Variants in BLTP2 observed in about 807,000 individuals in gnomAD.
BLTP2 encodes U937-associated antigen.
chr17:28,642,968 T>C, the BLTP2 span: 1 of 1,599,864 alleles, frequency 6.3e-7, no homozygotes, highest in Non-Finnish European at 8.6e-7. Flanking sequence ...GTTTATAGCA[T>C]CTACATGAAT....
the BLTP2 span, chr17:28,640,539 C>G: frequency 1.1e-4 from 182 of 1,613,142 alleles, 1 homozygote; most frequent in East Asian, 3.7e-3. Flanking sequence ...CTCCCATCTT[C>G]TGTGTCAGGA....
chr17:28,642,875 C>G, the BLTP2 span: 1 of 1,575,720 alleles, frequency 6.3e-7, no homozygotes, highest in African/African-American at 1.3e-5. Flanking sequence ...TTACCTTTTC[C>G]CATCACTATC....
At chr17:28,640,942 A>C in the BLTP2 span, among the ~76,000 whole-genome samples, 1 of 152,256 alleles carries the variant, frequency 6.6e-6, no homozygotes, top group East Asian at 1.9e-4. Flanking sequence ...AATAATTTAA[A>C]CATCATTTTT....
the BLTP2 span, among the ~76,000 whole-genome samples, chr17:28,641,434 G>A: frequency 4.7e-4 from 71 of 152,078 alleles, no homozygotes; most frequent in Non-Finnish European, 8.7e-4. Context: ...GAGGTCAGGA[G>A]ATCGAGACCA....
chr17:28,620,766 T>C, the BLTP2 span: 1 of 1,051,318 alleles, frequency 9.5e-7, no homozygotes, highest in African/African-American at 1.6e-5. Flanking sequence ...GGCAGAAACA[T>C]GTTTACTTCA....
the BLTP2 span, chr17:28,636,873 G>C: frequency 9.2e-7 from 1 of 1,082,790 alleles, no homozygotes; most frequent in Non-Finnish European, 1.4e-6. Context: ...CTCTGTTTTG[G>C]GAAAAGACAA....
chr17:28,630,307 C>A, the BLTP2 span, among the ~76,000 whole-genome samples: 4 of 151,974 alleles, frequency 2.6e-5, no homozygotes, highest in Non-Finnish European at 4.4e-5. Flanking sequence ...CAGGCACATG[C>A]CACCACACCC....
chr17:28,644,179 A>G, the BLTP2 span: 1 of 1,613,212 alleles, frequency 6.2e-7, no homozygotes, highest in Non-Finnish European at 8.5e-7. Context: ...CAACCGGACC[A>G]CAAGCCACCT....
At chr17:28,618,924 C>T in the BLTP2 span, 6 of 1,614,106 alleles carry the variant, frequency 3.7e-6, no homozygotes, top group East Asian at 4.5e-5. Context: ...TTGCTGCTTT[C>T]GCAGCTCCAT....
chr17:28,615,631 T>C, the BLTP2 span: 6 of 1,602,200 alleles, frequency 3.7e-6, no homozygotes, highest in Non-Finnish European at 2.6e-6. Flanking sequence ...GCCAGCCCCA[T>C]TAGCCAAACA....
the BLTP2 span, chr17:28,634,014 G>A: frequency 1.9e-6 from 3 of 1,614,142 alleles, no homozygotes; most frequent in South Asian, 1.1e-5. Flanking sequence ...ACTCTGCTCG[G>A]TGCCCACAAG....
At chr17:28,637,138 T>G in the BLTP2 span, 1 of 1,614,190 alleles carries the variant, frequency 6.2e-7, no homozygotes, top group Non-Finnish European at 8.5e-7. Flanking sequence ...CTGCCCAGGA[T>G]AGTTAGGGTG....
the BLTP2 span, chr17:28,628,218 C>G: frequency 6.5e-7 from 1 of 1,528,574 alleles, no homozygotes; most frequent in African/African-American, 1.4e-5. Context: ...AAGCCCATAT[C>G]CATGTTCTAA....
chr17:28,638,094 C>A, the BLTP2 span: 1 of 1,613,266 alleles, frequency 6.2e-7, no homozygotes, highest in Non-Finnish European at 8.5e-7. Context: ...TTATAGCTAC[C>A]CTAGAGAAGA....
the BLTP2 span, chr17:28,631,586 T>C: frequency 2.2e-5 from 36 of 1,614,036 alleles, no homozygotes; most frequent in Non-Finnish European, 2.8e-5. Flanking sequence ...TTCTCTTCAG[T>C]GGGTGAGGCC....
chr17:28,639,045 T>C, the BLTP2 span: 1 of 498,700 alleles, frequency 2.0e-6, no homozygotes, highest in Non-Finnish European at 3.6e-6. Flanking sequence ...GACAAAGACA[T>C]TCCTTATCAT....
the BLTP2 span, chr17:28,616,283 A>G: frequency 6.2e-7 from 1 of 1,602,344 alleles, no homozygotes. The surrounding 1 kb of genome is among the most constrained non-coding windows in gnomAD (Gnocchi z 4.8). Flanking sequence ...TTTTATCCCT[A>G]GAATGGACTT....
chr17:28,628,186 A>G, the BLTP2 span: 2 of 1,226,656 alleles, frequency 1.6e-6, no homozygotes, highest in Non-Finnish European at 1.2e-6. Flanking sequence ...ACCATGACTC[A>G]GTCCTTTTAA....
At chr17:28,641,565 A>C in the BLTP2 span, among the ~76,000 whole-genome samples, 1 of 151,976 alleles carries the variant, frequency 6.6e-6, no homozygotes, top group African/African-American at 2.4e-5. Flanking sequence ...ACTTGAACCC[A>C]GAAGGTTAAA....
Sources: gnomAD v4.1 joint callset for allele counts (sites outside exome capture counted in the v4.1 genomes callset) on GRCh38, gnomAD v4.1.1 for gene constraint, Gnocchi (gnomAD v3.1) non-coding constraint, MANE v1.5 for transcripts, NCBI Gene and HGNC (gene_info 2026-07-23, HGNC 2026-07-21) for gene names.